Variants in SSH2 observed in about 807,000 individuals in gnomAD.
SSH2 encodes the protein protein phosphatase Slingshot homolog 2.
SSH2 carries 37 observed loss-of-function variants against 135.2 expected under a neutral mutation model. The ratio of observed to expected loss-of-function variants is 0.27; its 90% CI spans 0.21 to 0.36. The LOEUF is 0.36. SSH2 is among the 10% of genes least tolerant of loss of function. SSH2 has a pLI of 1.00. For missense variants in SSH2, 1,408 were observed against 1,765.3 expected (o/e 0.80, Z 3.63); for synonymous variants, 628 against 646.2 (o/e 0.97, Z 0.43).
intron 7 of SSH2, among the ~76,000 whole-genome samples, chr17:29,677,383 T>G (rs2037768326): frequency 6.6e-6 from 1 of 152,066 alleles, no homozygotes; most frequent in Admixed American, 6.5e-5. Flanking sequence ...ATATCATCCT[T>G]TGGGAGAGCA....
chr17:29,793,577 A>G (rs2042108374), intron 3 of SSH2: 1 of 198,314 alleles, frequency 5.0e-6, no homozygotes. Context: ...AAACCAATGT[A>G]CCATTGAAAA....
At chr17:29,712,501 T>A (rs2039471046) in intron 3 of SSH2, among the ~76,000 whole-genome samples, 1 of 152,188 alleles carries the variant, frequency 6.6e-6, no homozygotes, top group Non-Finnish European at 1.5e-5. Context: ...ATTTTACTTA[T>A]GATAGTTAAA....
At chr17:29,862,829 A>T (rs1318007366) in intron 1 of SSH2, among the ~76,000 whole-genome samples, 5 of 152,200 alleles carry the variant, frequency 3.3e-5, no homozygotes, top group Admixed American at 2.0e-4. Context: ...TGTGCCCTTT[A>T]GAAGGAACAC....
At chr17:29,726,171 A>G (rs1244413038) in intron 3 of SSH2, among the ~76,000 whole-genome samples, 1 of 152,140 alleles carries the variant, frequency 6.6e-6, no homozygotes, top group Non-Finnish European at 1.5e-5. Context: ...TCCTCCATGG[A>G]AGGACATCTA....
At position 29,631,777 on chromosome 17, in the gene SSH2, C is replaced by G. The variant is rs200802997; in HGVS notation, c.3417G>C (p.Glu1139Asp). The change falls in exon 16 of 16, where the codon GAG becomes GAC. Residue 1139 changes from glutamate to aspartate, a missense_variant. Glu to Asp is a conservative substitution (Grantham distance 45). This residue lies in a region of SSH2 where 1,080 missense variants were observed against 1,144.5 expected (regional missense o/e 0.94). Coordinates refer to ENST00000540801, the MANE Select transcript of SSH2 (RefSeq NM_001282129.2). ...DRGSSLSTALETAAPFVSHTT... is the reference protein window; with the variant it reads ...DRGSSLSTALDTAAPFVSHTT... ...TATGACTGACAAAAGGTGCTGCTGT[C>G]TCCAGGGCTGTGGACAGGCTGCTGC... is the stretch of plus-strand genomic sequence containing the variant. The G allele has an allele frequency of 9.9e-6, 16 of 1,614,190 alleles. No individual in the cohort carries two copies. The highest frequency in any genetic ancestry group is 1.3e-5 in the Non-Finnish European group (15 of 1,180,040).
At chr17:29,761,794 A>G (rs1395038916) in intron 3 of SSH2, among the ~76,000 whole-genome samples, 6 of 151,998 alleles carry the variant, frequency 3.9e-5, no homozygotes, top group African/African-American at 1.5e-4. Context: ...AATATTTATC[A>G]GAGACTTCCT....
intron 3 of SSH2, among the ~76,000 whole-genome samples, chr17:29,720,238 A>T (rs2039774587): frequency 6.6e-6 from 1 of 152,160 alleles, no homozygotes; most frequent in Non-Finnish European, 1.5e-5. Flanking sequence ...ACACCAAGGA[A>T]TTTTTTTGTT....
At chr17:29,650,906 T>G in intron 12 of SSH2, 106 bp from the exon 13 acceptor site, 1 of 890,294 alleles carries the variant, frequency 1.1e-6, no homozygotes, top group Non-Finnish European at 1.6e-6. Flanking sequence ...AGACTGAAAT[T>G]AAATACAAAA....
chr17:29,856,655 A>T (rs1215766341), intron 1 of SSH2, among the ~76,000 whole-genome samples: 1 of 152,188 alleles, frequency 6.6e-6, no homozygotes, highest in Admixed American at 6.5e-5. Flanking sequence ...ACAACTAAGA[A>T]GGTGTCAAAG....
At chr17:29,740,715 A>G (rs1290899148) in intron 3 of SSH2, among the ~76,000 whole-genome samples, 1 of 152,222 alleles carries the variant, frequency 6.6e-6, no homozygotes, top group African/African-American at 2.4e-5. Context: ...GCATAGTCCT[A>G]GTCATTAAAA....
intron 1 of SSH2, among the ~76,000 whole-genome samples, chr17:29,907,115 T>C (rs1357717698): frequency 6.6e-6 from 1 of 152,210 alleles, no homozygotes; most frequent in East Asian, 1.9e-4. Context: ...TCCATCTAAA[T>C]GCCCATCATT....
intron 2 of SSH2, among the ~76,000 whole-genome samples, chr17:29,835,669 T>C (rs1344474398): frequency 1.3e-5 from 2 of 152,252 alleles, no homozygotes; most frequent in Non-Finnish European, 2.9e-5. Context: ...CTAGTGCAGC[T>C]AGAGCAGATT....
chr17:29,918,024 TAAA>T (rs1468236187), intron 1 of SSH2, among the ~76,000 whole-genome samples: 1 of 150,916 alleles, frequency 6.6e-6, no homozygotes, highest in Non-Finnish European at 1.5e-5. Flanking sequence ...CTACAAAAAA[TAAA>T]AAAAATTAGC....
At chr17:29,710,819 G>A (rs1320595299) in intron 3 of SSH2, among the ~76,000 whole-genome samples, 1 of 152,170 alleles carries the variant, frequency 6.6e-6, no homozygotes, top group Non-Finnish European at 1.5e-5. Context: ...AAAGTCAAAA[G>A]TACACCTCTA....
intron 3 of SSH2, among the ~76,000 whole-genome samples, chr17:29,780,280 T>C (rs985718076): frequency 6.6e-6 from 1 of 152,128 alleles, no homozygotes; most frequent in African/African-American, 2.4e-5. Context: ...CTGTCATAAG[T>C]GCAATCAATA....
chr17:29,667,731 A>G (rs921240691), intron 9 of SSH2, among the ~76,000 whole-genome samples: 4 of 152,144 alleles, frequency 2.6e-5, no homozygotes, highest in Non-Finnish European at 5.9e-5. Context: ...AACTCTCACA[A>G]TATCTCTGTG....
chr17:29,894,494 T>A (rs1599154741), intron 1 of SSH2, among the ~76,000 whole-genome samples: 1 of 152,274 alleles, frequency 6.6e-6, no homozygotes, highest in East Asian at 1.9e-4. Context: ...AAATCATCTC[T>A]AGATTACTTA....
chr17:29,718,527 T>C (rs1598870183), intron 3 of SSH2, among the ~76,000 whole-genome samples: 2 of 152,076 alleles, frequency 1.3e-5, no homozygotes. Flanking sequence ...CTTAAGAGGC[T>C]ACAGTCCCGT....
At chr17:29,847,053 C>T (rs1385571640) in intron 2 of SSH2, among the ~76,000 whole-genome samples, 1 of 151,986 alleles carries the variant, frequency 6.6e-6, no homozygotes, top group African/African-American at 2.4e-5. Context: ...CATTCTATAC[C>T]AAGACACAGA....
Sources: allele counts gnomAD v4.1 joint callset (sites outside exome capture counted in the v4.1 genomes callset), GRCh38; gene constraint gnomAD v4.1.1; regional missense constraint gnomAD v4.1.1; transcripts MANE v1.5; gene names NCBI Gene and HGNC (gene_info 2026-07-23, HGNC 2026-07-21).